The following LRFN2 variants were observed in gnomAD, a reference collection of about 807,000 sequenced individuals.
The protein encoded by LRFN2 is leucine-rich repeat and fibronectin type-III domain-containing protein 2.
Under a neutral mutation model 37.3 loss-of-function variants are expected in LRFN2, and 18 were observed. That is an observed-to-expected ratio of 0.48 (90% CI 0.33 to 0.72). LRFN2 has a LOEUF of 0.72. LRFN2 is among the 30% of genes least tolerant of loss of function. The pLI, the probability that LRFN2 is intolerant of heterozygous loss-of-function variation, is 0.02. For missense variants in LRFN2, 1,006 were observed against 1,060.7 expected (o/e 0.95, Z 0.72); for synonymous variants, 556 against 466.6 (o/e 1.19, Z -2.47).
At chr6:40,548,483 T>C (rs115295967) in intron 1 of LRFN2, among the ~76,000 whole-genome samples, 4,271 of 151,054 alleles carry the variant, frequency 0.028, 92 homozygotes, top group Admixed American at 0.036. Flanking sequence ...ACCTTACAAG[T>C]TATTTTGAGG....
chr6:40,529,882 CTAT>C (rs1766316505), intron 1 of LRFN2, among the ~76,000 whole-genome samples: 1 of 152,208 alleles, frequency 6.6e-6, no homozygotes, highest in Non-Finnish European at 1.5e-5. Flanking sequence ...TAAACAGGAG[CTAT>C]TATTATTATG....
rs1180931876 is a variant in LRFN2 at position 40,441,402 on chromosome 6, C to G, written c.-18-8271G>C. 2.0e-5 allele frequency among the ~76,000 whole-genome samples: 3 copies of G among 152,046 alleles called. No homozygotes were observed. The East Asian group carries it at 5.8e-4, about 29-fold the overall frequency. On this transcript the variant is annotated intron_variant, in intron 1 of 2. Transcript: ENST00000338305. Reference sequence around the variant, plus strand: ...TGAGGGCGTGTGAGTGAGGGGGCCTCACATGAATGGAGGTGAGTGAACGGG... The same window carrying G: ...TGAGGGCGTGTGAGTGAGGGGGCCTGACATGAATGGAGGTGAGTGAACGGG...
chr6:40,577,330 G>A (rs1316601730), intron 1 of LRFN2, among the ~76,000 whole-genome samples: 1 of 151,956 alleles, frequency 6.6e-6, no homozygotes, highest in East Asian at 1.9e-4. Context: ...TCGAACTCCT[G>A]AGCTCAGGCA....
chr6:40,583,884 G>A (rs2473595), intron 1 of LRFN2, among the ~76,000 whole-genome samples: 69,098 of 151,952 alleles, frequency 0.45, 16,104 homozygotes, highest in Middle Eastern at 0.57. Context: ...TGCTGGCGGC[G>A]GTTGGGGGGG....
intron 1 of LRFN2, among the ~76,000 whole-genome samples, chr6:40,468,252 C>T (rs766730025): frequency 3.3e-5 from 5 of 152,098 alleles, no homozygotes; most frequent in Middle Eastern, 3.2e-3. Flanking sequence ...TCCCCACCCA[C>T]AAGCACTGGG....
At chr6:40,509,766 G>C (rs916948972) in intron 1 of LRFN2, among the ~76,000 whole-genome samples, 2 of 151,626 alleles carry the variant, frequency 1.3e-5, no homozygotes, top group African/African-American at 4.8e-5. Flanking sequence ...AGGGAACACA[G>C]GACTGTGCAG....
At chr6:40,527,812 T>C (rs1437647672) in intron 1 of LRFN2, among the ~76,000 whole-genome samples, 2 of 152,238 alleles carry the variant, frequency 1.3e-5, no homozygotes, top group Non-Finnish European at 1.5e-5. Flanking sequence ...TACGTGCTTA[T>C]GTTCTAAATT....
In LRFN2 at chr6:40,432,238, G is replaced by A. The variant is rs769589929; in HGVS notation, c.876C>T (p.Thr292=). The change falls in exon 2 of 3, where the codon ACC becomes ACT. Residue 292 remains threonine, a synonymous_variant. Transcript: ENST00000338305. The part of the protein sequence containing the change: ...EEFVCEPPLI[T]QHTHKLLVLE... ...GAACCAGCAACTTGTGTGTGTGCTG[G>A]GTGATGAGAGGCGGCTCGCACACAA... The A allele has an allele frequency of 1.2e-6, 2 of 1,614,032 alleles. No homozygotes were observed. The highest frequency in any genetic ancestry group is 3.3e-5 in the Admixed American group (2 of 60,026).
At chr6:40,576,990 A>G (rs1767291884) in intron 1 of LRFN2, among the ~76,000 whole-genome samples, 1 of 150,014 alleles carries the variant, frequency 6.7e-6, no homozygotes, top group African/African-American at 2.5e-5. Flanking sequence ...AATTCCTAAA[A>G]CCCCACCCCC....
intron 2 of LRFN2, among the ~76,000 whole-genome samples, chr6:40,412,292 T>A (rs542824114): frequency 2.0e-5 from 3 of 152,182 alleles, no homozygotes; most frequent in Non-Finnish European, 4.4e-5. Flanking sequence ...CCTTCCTCAG[T>A]CAAGGAACTC....
In LRFN2 at chr6:40,448,069, T is replaced by A. The variant is rs533466659; in HGVS notation, c.-18-14938A>T. Among the ~76,000 whole-genome samples, 3 of 152,168 alleles carry A rather than the reference T, an allele frequency of 2.0e-5. No individual in the cohort carries two copies. The East Asian group carries it at 5.8e-4, about 29-fold the overall frequency. The stretch of plus-strand genomic sequence containing the variant: ...TGTCAAAAGCCACGAGTGCTCCTAG[T>A]GTTAGGGCAATAGCCTGTGAGAGAC... On this transcript the variant is annotated intron_variant, in intron 1 of 2. Transcript: ENST00000338305.
In LRFN2 at chr6:40,405,302, G is replaced by GT. The variant is rs1468513267; in HGVS notation, c.1401-12391dup. On this transcript the variant is annotated intron_variant, in intron 2 of 2. Coordinates refer to ENST00000338305, the MANE Select transcript of LRFN2 (RefSeq NM_020737.3). ...TGCACACAGGCTCTGGAGTCAGACT[G>GT]TAGGGTTCCAATCCTGGTTTTGCAC... 2.6e-5 allele frequency among the ~76,000 whole-genome samples: 4 copies of GT among 152,180 alleles called. No homozygotes were observed. In the East Asian group the frequency reaches 7.7e-4, roughly 29 times the overall value.
intron 1 of LRFN2, among the ~76,000 whole-genome samples, chr6:40,532,852 T>C (rs1485609288): frequency 1.3e-5 from 2 of 152,204 alleles, no homozygotes; most frequent in African/African-American, 2.4e-5. Flanking sequence ...AGGTGGGTAC[T>C]GAACACAATA....
Position 40,461,360 on chromosome 6 carries a change from A to T in LRFN2, c.-18-28229T>A, listed in dbSNP as rs1411199548. Reference sequence around the variant, plus strand: ...GAGTTCAAGGCTGCAGTGAGCCATGATCACACCATTGCACTCCAGCCTGGG... The same window carrying T: ...GAGTTCAAGGCTGCAGTGAGCCATGTTCACACCATTGCACTCCAGCCTGGG... On this transcript the variant is annotated intron_variant, in intron 1 of 2. Coordinates refer to ENST00000338305, the MANE Select transcript of LRFN2 (RefSeq NM_020737.3). 3.3e-5 allele frequency among the ~76,000 whole-genome samples: 5 copies of T among 152,154 alleles called. No homozygotes were observed. In the East Asian group the frequency reaches 9.6e-4, roughly 29 times the overall value.
At chr6:40,535,705 G>A (rs976053432) in intron 1 of LRFN2, among the ~76,000 whole-genome samples, 3 of 152,150 alleles carry the variant, frequency 2.0e-5, no homozygotes, top group African/African-American at 4.8e-5. Context: ...GGTGGGAGGT[G>A]CAGGTGGGGA....
intron 1 of LRFN2, among the ~76,000 whole-genome samples, chr6:40,554,738 AC>A (rs1766836503): frequency 1.3e-5 from 2 of 151,580 alleles, no homozygotes; most frequent in East Asian, 1.9e-4. Context: ...TTTTTTGATC[AC>A]CCCCTTCCTA....
chr6:40,513,861 C>G (rs1189942554), intron 1 of LRFN2, among the ~76,000 whole-genome samples: 1 of 151,390 alleles, frequency 6.6e-6, no homozygotes, highest in Non-Finnish European at 1.5e-5. Flanking sequence ...GAGTGGGAGC[C>G]CACCAAGTGA....
At position 40,392,109 on chromosome 6, in the gene LRFN2, C is replaced by CCCG; in HGVS notation, c.2201_2203dup (p.Ala734dup). 1 of 1,613,278 alleles carries CCCG rather than the reference C, an allele frequency of 6.2e-7. No homozygotes were observed. On this transcript the variant is annotated inframe_insertion, in exon 3 of 3. Transcript: ENST00000338305. The surrounding 1 kb of genome is among the most constrained non-coding windows in gnomAD (Gnocchi z 4.7). ...ACTGTAGCCGCCCGGCACGACCCCT[C>CCCG]CCGCCGCCGCAGCAGCAAAGTCCCC...
At chr6:40,444,612 A>G (rs1763923526) in intron 1 of LRFN2, among the ~76,000 whole-genome samples, 1 of 152,166 alleles carries the variant, frequency 6.6e-6, no homozygotes, top group African/African-American at 2.4e-5. Flanking sequence ...GGAGTTCTAT[A>G]AGCTGGGTCC....
Sources: gnomAD v4.1 joint callset for allele counts (sites outside exome capture counted in the v4.1 genomes callset) on GRCh38, gnomAD v4.1.1 for gene constraint, Gnocchi (gnomAD v3.1) non-coding constraint, MANE v1.5 for transcripts, NCBI Gene and HGNC (gene_info 2026-07-23, HGNC 2026-07-21) for gene names.